The following CNTN4 variants were observed in gnomAD, a reference collection of about 807,000 sequenced individuals.
The protein encoded by CNTN4 is contactin 4.
Under a neutral mutation model 122.5 loss-of-function variants are expected in CNTN4, and 77 were observed. The ratio of observed to expected loss-of-function variants is 0.63; its 90% CI spans 0.52 to 0.76. CNTN4 has a LOEUF of 0.76. Ranked by LOEUF, CNTN4 falls within the 30% of genes least tolerant of loss-of-function variation. The probability of loss-of-function intolerance (pLI) is 0.00; values close to 1 mark genes in which losing one functional copy is unlikely to be tolerated. For missense variants in CNTN4, 1,256 were observed against 1,259.1 expected (o/e 1.00, Z 0.04); for synonymous variants, 512 against 447.0 (o/e 1.15, Z -1.83).
At chr3:2,921,602 A>C (rs1325198173) in intron 12 of CNTN4, among the ~76,000 whole-genome samples, 1 of 152,252 alleles carries the variant, frequency 6.6e-6, no homozygotes, top group Non-Finnish European at 1.5e-5. Flanking sequence ...TGAACTTCCA[A>C]AAAAGCTGGC....
At chr3:2,236,647 A>G (rs2039691755) in intron 2 of CNTN4, among the ~76,000 whole-genome samples, 1 of 152,234 alleles carries the variant, frequency 6.6e-6, no homozygotes. Context: ...AATGCAACAC[A>G]AGCCATGTCT....
chr3:2,296,707 T>TAAAATGGTCCAC (rs2042325605), intron 2 of CNTN4, among the ~76,000 whole-genome samples: 3 of 150,300 alleles, frequency 2.0e-5, no homozygotes, highest in Admixed American at 1.3e-4. Context: ...ACAAGAAGAA[T>TAAAATGGTCCAC]AAAATGGTCC....
intron 10 of CNTN4, 104 bp from the exon 11 acceptor site, chr3:2,900,581 G>A (rs558637001): frequency 1.5e-6 from 2 of 1,307,908 alleles, no homozygotes; most frequent in Middle Eastern, 2.4e-4. Context: ...ATCTGGAAAA[G>A]GAATTTTATT....
At chr3:2,747,794 C>A (rs1271057608) in intron 6 of CNTN4, among the ~76,000 whole-genome samples, 1 of 152,150 alleles carries the variant, frequency 6.6e-6, no homozygotes, top group African/African-American at 2.4e-5. Flanking sequence ...ATTCTAGTGA[C>A]AGAAAGTTCA....
intron 13 of CNTN4, among the ~76,000 whole-genome samples, chr3:2,939,139 C>T (rs2094590986): frequency 1.3e-5 from 2 of 152,308 alleles, no homozygotes; most frequent in South Asian, 4.1e-4. Context: ...GTTTTCTCCT[C>T]ATATTTCAGT....
chr3:2,774,362 T>G lies in CNTN4; in HGVS notation c.358+28665T>G, dbSNP rs374054586. On this transcript the variant is annotated intron_variant, in intron 6 of 24. Transcript: ENST00000418658. ...CAATCTTCTTGCCTTCTGATCAACC[T>G]ACCTTTCCTACCGCCATTGTTCCTT... Among the ~76,000 whole-genome samples, 9 of 152,268 alleles carry G rather than the reference T, an allele frequency of 5.9e-5. No individual in the cohort carries two copies. In the East Asian group the frequency reaches 1.7e-3, roughly 29 times the overall value.
chr3:2,444,332 G>A (rs779887805), intron 3 of CNTN4, among the ~76,000 whole-genome samples: 1 of 152,064 alleles, frequency 6.6e-6, no homozygotes, highest in Non-Finnish European at 1.5e-5. Flanking sequence ...AGGCAGTGGC[G>A]ACATTAGGTA....
In CNTN4 at chr3:2,240,618, C is replaced by T. The variant is rs1038626145; in HGVS notation, c.-144-98560C>T. Reference sequence around the variant, plus strand: ...TAGGTGAACAATAGTTAGACAGTGTCGGTTTCATATGATTCAACCTACATA... The same window carrying T: ...TAGGTGAACAATAGTTAGACAGTGTTGGTTTCATATGATTCAACCTACATA... On this transcript the variant is annotated intron_variant, in intron 2 of 24. Coordinates refer to ENST00000418658, the MANE Select transcript of CNTN4 (RefSeq NM_175607.3). 2.6e-5 allele frequency among the ~76,000 whole-genome samples: 4 copies of T among 151,980 alleles called. No homozygotes were observed. In the East Asian group the frequency reaches 5.8e-4, roughly 22 times the overall value.
intron 3 of CNTN4, among the ~76,000 whole-genome samples, chr3:2,441,655 A>G (rs2048444838): frequency 6.6e-6 from 1 of 152,132 alleles, no homozygotes; most frequent in Non-Finnish European, 1.5e-5. Flanking sequence ...GCAGAGAGAG[A>G]GTGTTACTTA....
At chr3:2,182,767 A>G (rs2037075310) in intron 2 of CNTN4, among the ~76,000 whole-genome samples, 1 of 151,990 alleles carries the variant, frequency 6.6e-6, no homozygotes, top group Admixed American at 6.6e-5. Context: ...ACTTCCGCAT[A>G]AGTTTGTTTT....
At chr3:2,916,029 G>A (rs2094349729) in intron 12 of CNTN4, among the ~76,000 whole-genome samples, 1 of 152,176 alleles carries the variant, frequency 6.6e-6, no homozygotes, top group Non-Finnish European at 1.5e-5. Flanking sequence ...GGAGAGAGGA[G>A]GAGGAAATGG....
chr3:2,584,396 A>G (rs1370253177), intron 4 of CNTN4, among the ~76,000 whole-genome samples: 1 of 152,070 alleles, frequency 6.6e-6, no homozygotes, highest in Admixed American at 6.6e-5. Context: ...GTTTTGTTGT[A>G]AAGTTGACCA....
intron 10 of CNTN4, among the ~76,000 whole-genome samples, chr3:2,894,329 A>G (rs746079076): frequency 5.7e-4 from 86 of 152,194 alleles, no homozygotes; most frequent in Non-Finnish European, 9.0e-4. Flanking sequence ...TAAGAAGGAT[A>G]CATTCAAAAG....
At chr3:2,722,742 T>G (rs1279411804) in intron 4 of CNTN4, among the ~76,000 whole-genome samples, 1 of 152,236 alleles carries the variant, frequency 6.6e-6, no homozygotes, top group Non-Finnish European at 1.5e-5. Context: ...CCACTTTACC[T>G]TATGACAAAA....
intron 6 of CNTN4, among the ~76,000 whole-genome samples, chr3:2,796,534 C>T (rs560360795): frequency 3.9e-5 from 6 of 152,180 alleles, no homozygotes; most frequent in South Asian, 2.1e-4. Flanking sequence ...AAATAAAACC[C>T]GTACTTAATA....
intron 2 of CNTN4, among the ~76,000 whole-genome samples, chr3:2,201,023 G>T (rs1464692249): frequency 6.6e-6 from 1 of 152,134 alleles, no homozygotes; most frequent in African/African-American, 2.4e-5. Context: ...TAGGGGGATT[G>T]TGCCACCTTT....
At chr3:2,651,708 CT>C (rs528994352) in intron 4 of CNTN4, among the ~76,000 whole-genome samples, 94 of 142,882 alleles carry the variant, frequency 6.6e-4, no homozygotes, top group Admixed American at 7.7e-4. Context: ...TCTTTTTTTT[CT>C]TTTTTTTTTT....
At chr3:2,855,673 G>A (rs1337871589) in intron 7 of CNTN4, among the ~76,000 whole-genome samples, 7 of 152,252 alleles carry the variant, frequency 4.6e-5, no homozygotes, top group Non-Finnish European at 8.8e-5. Context: ...CAGGTCACAC[G>A]GGTGTCATCT....
At chr3:2,662,217 T>A (rs1433717549) in intron 4 of CNTN4, among the ~76,000 whole-genome samples, 1 of 152,198 alleles carries the variant, frequency 6.6e-6, no homozygotes, top group Non-Finnish European at 1.5e-5. Context: ...TTAAGATATT[T>A]CCCATCACCT....
Sources: allele counts gnomAD v4.1 joint callset (sites outside exome capture counted in the v4.1 genomes callset), GRCh38; gene constraint gnomAD v4.1.1; transcripts MANE v1.5; gene names NCBI Gene and HGNC (gene_info 2026-07-23, HGNC 2026-07-21).